The following GPC6 variants were observed in gnomAD, a reference collection of about 807,000 sequenced individuals.
GPC6 encodes the protein glypican 6.
GPC6 carries 14 observed loss-of-function variants against 55.2 expected under a neutral mutation model. That is an observed-to-expected ratio of 0.25 (90% CI 0.17 to 0.40). The LOEUF (loss-of-function observed/expected upper bound fraction) is 0.40, where lower values mean the gene tolerates loss of function less well. Among genes scored for constraint, GPC6 ranks in the 10% least tolerant of loss-of-function variants. GPC6 has a pLI of 1.00. For synonymous variants in GPC6, 278 were observed against 259.6 expected, an observed-to-expected ratio of 1.07 and a Z score of -0.68; for missense variants, 641 against 708.5, an observed-to-expected ratio of 0.90 and a Z score of 1.08.
intron 1 of GPC6, among the ~76,000 whole-genome samples, chr13:93,441,327 C>T (rs937243933): frequency 2.6e-5 from 4 of 152,136 alleles, no homozygotes; most frequent in Admixed American, 2.6e-4. Flanking sequence ...TAGAAGTGTT[C>T]CTATTTTTCC....
chr13:93,554,965 ACT>A (rs2139448826), intron 2 of GPC6, among the ~76,000 whole-genome samples: 1 of 152,326 alleles, frequency 6.6e-6, no homozygotes, highest in African/African-American at 2.4e-5. Flanking sequence ...CAGTCTTCAC[ACT>A]GTTTCCTCCC....
chr13:93,259,002 A>G (rs1392267149), intron 1 of GPC6, among the ~76,000 whole-genome samples: 1 of 152,162 alleles, frequency 6.6e-6, no homozygotes, highest in Non-Finnish European at 1.5e-5. Context: ...TAACTTCTGA[A>G]GCTGGAAAAT....
intron 4 of GPC6, among the ~76,000 whole-genome samples, chr13:94,264,962 C>T (rs1359194952): frequency 6.6e-6 from 1 of 152,130 alleles, no homozygotes; most frequent in African/African-American, 2.4e-5. Flanking sequence ...TTCACTATCA[C>T]AAGAACGGTA....
At chr13:93,637,777 G>C (rs1023781646) in intron 2 of GPC6, among the ~76,000 whole-genome samples, 1 of 152,068 alleles carries the variant, frequency 6.6e-6, no homozygotes, top group Non-Finnish European at 1.5e-5. Flanking sequence ...CCATATGAAA[G>C]TGAAATTTGC....
intron 6 of GPC6, among the ~76,000 whole-genome samples, chr13:94,371,924 A>T (rs1485571368): frequency 6.6e-6 from 1 of 152,194 alleles, no homozygotes; most frequent in East Asian, 1.9e-4. Flanking sequence ...ACTTAAGAAA[A>T]TTAGCACTTA....
At chr13:94,324,472 C>T (rs1275901218) in intron 6 of GPC6, among the ~76,000 whole-genome samples, 1 of 152,030 alleles carries the variant, frequency 6.6e-6, no homozygotes, top group African/African-American at 2.4e-5. Context: ...GACAAGTTAC[C>T]AACTGTAATT....
chr13:93,619,479 G>T lies in GPC6; in HGVS notation c.319+74058G>T, dbSNP rs368197070. Among the ~76,000 whole-genome samples, 6 of 152,198 alleles carry T rather than the reference G, an allele frequency of 3.9e-5. No individual in the cohort carries two copies. In the East Asian group the frequency reaches 7.7e-4, roughly 20 times the overall value. ...TGTTCTGTTTTTATCTAGAGACAGG[G>T]TTTCCCTTTGTCACCCAGGATAGAG... On this transcript the variant is annotated intron_variant, in intron 2 of 8. Transcript: ENST00000377047.
At chr13:93,490,687 A>C (rs1879959582) in intron 1 of GPC6, among the ~76,000 whole-genome samples, 1 of 83,708 alleles carries the variant, frequency 1.2e-5, no homozygotes, top group African/African-American at 4.7e-5. Context: ...ACCCCACCAC[A>C]GTCCCCAGAG....
intron 1 of GPC6, among the ~76,000 whole-genome samples, chr13:93,493,441 C>G (rs1270985646): frequency 9.7e-6 from 1 of 102,750 alleles, no homozygotes; most frequent in African/African-American, 3.6e-5. Flanking sequence ...TGCTAGCGGT[C>G]TATCAATTTT....
intron 4 of GPC6, among the ~76,000 whole-genome samples, chr13:94,205,711 A>G (rs1386265913): frequency 1.3e-5 from 2 of 152,198 alleles, no homozygotes; most frequent in African/African-American, 4.8e-5. Context: ...TTAGCTCTCC[A>G]TGCTTTGTGA....
In GPC6 at chr13:93,232,099, C is replaced by CTT. The variant is rs5805794; in HGVS notation, c.160+4496_160+4497dup. On this transcript the variant is annotated intron_variant, in intron 1 of 8. Transcript: ENST00000377047. ...TTTAATACATTTACAATTTACACAACTTTTTTTTTTTTTTCCAGTTTCCAT... is the reference window on the plus strand; with the variant it reads ...TTTAATACATTTACAATTTACACAACTTTTTTTTTTTTTTTTCCAGTTTCCAT... 1.4e-3 allele frequency among the ~76,000 whole-genome samples: 209 copies of CTT among 147,066 alleles called. 1 individual carries two copies. Among genetic ancestry groups the CTT allele is most frequent in the East Asian group, 8.4e-3 (42 of 5,006 alleles).
intron 1 of GPC6, among the ~76,000 whole-genome samples, chr13:93,245,886 C>A (rs1186356136): frequency 1.3e-5 from 2 of 152,206 alleles, no homozygotes; most frequent in Non-Finnish European, 2.9e-5. Context: ...CTGCCTGGAA[C>A]AAAAGAGGCC....
intron 1 of GPC6, among the ~76,000 whole-genome samples, chr13:93,349,559 G>T (rs1880556490): frequency 1.3e-5 from 2 of 152,090 alleles, no homozygotes; most frequent in African/African-American, 2.4e-5. Context: ...CCGATCTGGA[G>T]ATATACCAAA....
chr13:93,417,918 T>A (rs1876764636), intron 1 of GPC6, among the ~76,000 whole-genome samples: 1 of 152,062 alleles, frequency 6.6e-6, no homozygotes, highest in South Asian at 2.1e-4. Flanking sequence ...TGGGGACCAT[T>A]CATTTCATTT....
chr13:93,899,108 C>A (rs1363239499), intron 3 of GPC6, among the ~76,000 whole-genome samples: 1 of 151,674 alleles, frequency 6.6e-6, no homozygotes, highest in Non-Finnish European at 1.5e-5. Context: ...GACTTCTGGG[C>A]AACCACTCAG....
intron 4 of GPC6, among the ~76,000 whole-genome samples, chr13:94,179,399 T>C (rs1270442927): frequency 6.6e-6 from 1 of 152,148 alleles, no homozygotes; most frequent in African/African-American, 2.4e-5. Flanking sequence ...AAATAGCTCC[T>C]AGGTAGCAGG....
chr13:93,768,754 G>A (rs147675814), intron 2 of GPC6, among the ~76,000 whole-genome samples: 2,452 of 152,238 alleles, frequency 0.016, 34 homozygotes, highest in Non-Finnish European at 0.025. Context: ...TGCAGGCTCT[G>A]AAGACTTATT....
intron 2 of GPC6, among the ~76,000 whole-genome samples, chr13:93,706,679 A>G (rs1466784891): frequency 6.6e-6 from 1 of 151,894 alleles, no homozygotes; most frequent in Admixed American, 6.6e-5. Context: ...TACTAAATTT[A>G]AAGAACCCAG....
In GPC6 at chr13:93,448,578, C is replaced by T. The variant is rs569155965; in HGVS notation, c.161-96685C>T. 2.8e-4 allele frequency among the ~76,000 whole-genome samples: 42 copies of T among 152,262 alleles called. No homozygotes were observed. The South Asian group carries it at 8.1e-3, about 29-fold the overall frequency. The stretch of plus-strand genomic sequence containing the variant: ...ACCATGATCAAAAGCTCACAAAGGA[C>T]TATTATCCAGATACTAATTAAATAA... On this transcript the variant is annotated intron_variant, in intron 1 of 8. Coordinates refer to ENST00000377047, the MANE Select transcript of GPC6 (RefSeq NM_005708.5).
Sources: allele counts gnomAD v4.1 joint callset (sites outside exome capture counted in the v4.1 genomes callset), GRCh38; gene constraint gnomAD v4.1.1; transcripts MANE v1.5; gene names NCBI Gene and HGNC (gene_info 2026-07-23, HGNC 2026-07-21).